The following CEP85L variants were observed in gnomAD, a reference collection of about 807,000 sequenced individuals.
CEP85L encodes centrosomal protein of 85 kDa-like.
CEP85L carries 60 observed loss-of-function variants against 100.3 expected under a neutral mutation model. The observed-to-expected ratio is 0.60, with a 90% CI of 0.49 to 0.74. CEP85L has a LOEUF of 0.74. Ranked by LOEUF, CEP85L falls within the 30% of genes least tolerant of loss-of-function variation. CEP85L has a pLI of 0.00. For missense variants in CEP85L, 973 were observed against 936.2 expected (o/e 1.04, Z -0.51); for synonymous variants, 319 against 322.7 (o/e 0.99, Z 0.12).
chr6:118,616,773 T>C (rs1773080443), intron 2 of CEP85L, among the ~76,000 whole-genome samples: 1 of 151,008 alleles, frequency 6.6e-6, no homozygotes, highest in African/African-American at 2.4e-5. Flanking sequence ...GGTGAAACGC[T>C]GTCTCTAGTA....
chr6:118,551,781 A>T (rs181131643), intron 3 of CEP85L, among the ~76,000 whole-genome samples: 1 of 152,142 alleles, frequency 6.6e-6, no homozygotes, highest in East Asian at 1.9e-4. Flanking sequence ...GCCAGTCTGG[A>T]CCAACAAAGC....
At chr6:118,536,251 C>G (rs1465822987) in intron 3 of CEP85L, among the ~76,000 whole-genome samples, 1 of 152,054 alleles carries the variant, frequency 6.6e-6, no homozygotes, top group Non-Finnish European at 1.5e-5. Context: ...ACAGACCATA[C>G]ATAATCAATA....
At chr6:118,466,870 TTAAA>T (rs1215954947) in intron 12 of CEP85L, among the ~76,000 whole-genome samples, 1 of 152,062 alleles carries the variant, frequency 6.6e-6, no homozygotes, top group Non-Finnish European at 1.5e-5. Context: ...TTATGAAAAC[TTAAA>T]TTAAGGCAAT....
intron 5 of CEP85L, among the ~76,000 whole-genome samples, chr6:118,506,260 G>A (rs968285876): frequency 1.3e-5 from 2 of 152,092 alleles, no homozygotes; most frequent in Non-Finnish European, 1.5e-5. Context: ...CTGAACAGGT[G>A]GTCACAGTGA....
At chr6:118,570,685 G>A (rs1779837242) in intron 2 of CEP85L, among the ~76,000 whole-genome samples, 1 of 152,180 alleles carries the variant, frequency 6.6e-6, no homozygotes, top group African/African-American at 2.4e-5. Flanking sequence ...TAAGAGTAGA[G>A]AAGGGCCTAG....
intron 1 of CEP85L, among the ~76,000 whole-genome samples, chr6:118,634,659 CAGA>C (rs55932431): frequency 0.16 from 24,924 of 151,998 alleles, 2,150 homozygotes; most frequent in Non-Finnish European, 0.19. Flanking sequence ...ATTAAAGCAC[CAGA>C]AGAAGGTGTT....
intron 1 of CEP85L, among the ~76,000 whole-genome samples, chr6:118,647,413 T>C (rs1166185588): frequency 6.6e-6 from 1 of 152,188 alleles, no homozygotes; most frequent in African/African-American, 2.4e-5. Flanking sequence ...CGGGCTGGAG[T>C]GCAACGACAT....
chr6:118,598,470 T>C (rs1170462854), intron 2 of CEP85L, among the ~76,000 whole-genome samples: 1 of 152,122 alleles, frequency 6.6e-6, no homozygotes, highest in Non-Finnish European at 1.5e-5. Flanking sequence ...TGGTTCAGGG[T>C]GAGCCCTAAG....
chr6:118,477,232 C>G (rs1220084118), intron 10 of CEP85L, among the ~76,000 whole-genome samples: 4 of 151,966 alleles, frequency 2.6e-5, no homozygotes, highest in African/African-American at 9.7e-5. Context: ...ACCTTGACAG[C>G]TGAAAAAAAC....
chr6:118,476,839 T>TG (rs1303569701), intron 10 of CEP85L, among the ~76,000 whole-genome samples: 1 of 152,326 alleles, frequency 6.6e-6, no homozygotes, highest in East Asian at 1.9e-4. Flanking sequence ...GCCATTTAAA[T>TG]GCCTAAGTTC....
At chr6:118,480,001 C>T in intron 9 of CEP85L, 80 bp from the exon 10 acceptor site, 1 of 735,544 alleles carries the variant, frequency 1.4e-6, no homozygotes, top group Non-Finnish European at 2.2e-6. Context: ...GAAAACAGCA[C>T]AGAAATTTAT....
intron 5 of CEP85L, chr6:118,502,225 T>C (rs1775349032): frequency 1.5e-6 from 1 of 670,826 alleles, no homozygotes; most frequent in Admixed American, 2.5e-5. Flanking sequence ...CTGGAGTTCT[T>C]ATGTACCGCA....
At chr6:118,492,133 A>C (rs1256375065) in intron 5 of CEP85L, among the ~76,000 whole-genome samples, 1 of 152,120 alleles carries the variant, frequency 6.6e-6, no homozygotes, top group Non-Finnish European at 1.5e-5. Context: ...TAAAGTATGT[A>C]AGGTTTCCAG....
At chr6:118,546,961 T>C (rs1451364204) in intron 3 of CEP85L, among the ~76,000 whole-genome samples, 2 of 152,156 alleles carry the variant, frequency 1.3e-5, no homozygotes, top group Non-Finnish European at 2.9e-5. Flanking sequence ...ACTCTTTAAA[T>C]ATCAAATGAT....
intron 2 of CEP85L, among the ~76,000 whole-genome samples, chr6:118,630,810 T>C (rs1367291295): frequency 6.6e-6 from 1 of 152,040 alleles, no homozygotes; most frequent in Non-Finnish European, 1.5e-5. Context: ...TGCAGGTGAG[T>C]GAGGGCAGCT....
At chr6:118,522,392 T>C (rs537397147) in intron 4 of CEP85L, among the ~76,000 whole-genome samples, 11 of 152,284 alleles carry the variant, frequency 7.2e-5, no homozygotes, top group African/African-American at 2.6e-4. Context: ...TATTAAATTA[T>C]AGGTATTAAA....
intron 6 of CEP85L, among the ~76,000 whole-genome samples, chr6:118,490,665 T>A (rs1774494234): frequency 6.6e-6 from 1 of 152,202 alleles, no homozygotes. Context: ...GCAGCCTTAT[T>A]CATAATTTCT....
At chr6:118,574,835 A>G (rs1780124774) in intron 2 of CEP85L, among the ~76,000 whole-genome samples, 1 of 152,190 alleles carries the variant, frequency 6.6e-6, no homozygotes, top group Non-Finnish European at 1.5e-5. Context: ...TGGAGTCCAG[A>G]TCCATGGTTC....
At chr6:118,590,903 CG>C (rs1378794153) in intron 2 of CEP85L, among the ~76,000 whole-genome samples, 1 of 152,058 alleles carries the variant, frequency 6.6e-6, no homozygotes, top group Non-Finnish European at 1.5e-5. Flanking sequence ...TTTAAACCGG[CG>C]AGACAAAGGA....
Sources: gnomAD v4.1 joint callset for allele counts (sites outside exome capture counted in the v4.1 genomes callset) on GRCh38, gnomAD v4.1.1 for gene constraint, MANE v1.5 for transcripts, NCBI Gene and HGNC (gene_info 2026-07-23, HGNC 2026-07-21) for gene names.